The following SIDT1 variants were observed in gnomAD, a reference collection of about 807,000 sequenced individuals.
SIDT1 encodes SID1 transmembrane family member 1.
Under a neutral mutation model 107.5 loss-of-function variants are expected in SIDT1, and 101 were observed. The ratio of observed to expected loss-of-function variants is 0.94; its 90% confidence interval spans 0.80 to 1.11. SIDT1 has a LOEUF of 1.11. SIDT1 is among the 50% of genes least tolerant of loss of function. The probability of loss-of-function intolerance (pLI) is 0.00; values close to 1 mark genes in which losing one functional copy is unlikely to be tolerated. For missense variants in SIDT1, 1,076 were observed against 1,058.2 expected, an observed-to-expected ratio of 1.02 and a Z score of -0.23; for synonymous variants, 395 against 398.2, an observed-to-expected ratio of 0.99 and a Z score of 0.10.
rs79120936 is a variant in SIDT1, at chr3:113,620,064, A to G, written c.2090+338A>G. The stretch of plus-strand genomic sequence containing the variant: ...AGATAGATGATAGATAAATAGATAG[A>G]TAGATAGATAGATAGATAATTATAC... On this transcript the variant is annotated intron_variant, in intron 21 of 24. Coordinates refer to ENST00000264852, the MANE Select transcript of SIDT1 (RefSeq NM_017699.3). The G allele has an allele frequency of 3.2e-3, 582 of 183,882 alleles. 2 individuals carry two copies. Among genetic ancestry groups the G allele is most frequent in the African/African-American group, 0.013 (556 of 42,408 alleles). The allele number at this position is 183,882 out of a possible 1,614,324, so 11.4% of individuals were successfully genotyped here. A position where few individuals can be genotyped will look rare whatever the true frequency, so the allele number is the denominator to read the frequency against.
In SIDT1 at chr3:113,615,967, A is replaced by G; in HGVS notation, c.1967-133A>G. On this transcript the variant is annotated intron_variant, in intron 19 of 24. Transcript: ENST00000264852. ...AGCAAATACTTATTGCGCACCTATT[A>G]GGTGCAAAGCATTCTAATGCATTTT... 3 of 732,994 alleles carry G rather than the reference A, an allele frequency of 4.1e-6. No individual in the cohort carries two copies. The South Asian group carries it at 4.5e-5, about 11-fold the overall frequency. The allele number at this position is 732,994 out of a possible 1,614,324, so 45.4% of individuals were successfully genotyped here.
chr3:113,556,389 C>T (rs1940860672), intron 1 of SIDT1, among the ~76,000 whole-genome samples: 1 of 151,686 alleles, frequency 6.6e-6, no homozygotes, highest in Non-Finnish European at 1.5e-5. Context: ...ATGAGAATTA[C>T]TAACTTCTGA....
chr3:113,636,262 G>A, the SIDT1 span, among the ~76,000 whole-genome samples: 6 of 152,094 alleles, frequency 3.9e-5, no homozygotes, highest in Admixed American at 6.5e-5. Flanking sequence ...TAATTAGCTC[G>A]TGTGATGGTG....
chr3:113,567,838 C>A, intron 3 of SIDT1, 128 bp downstream of exon 3: 1 of 892,314 alleles, frequency 1.1e-6, no homozygotes, highest in Non-Finnish European at 1.7e-6. Flanking sequence ...TTTAGCACTT[C>A]CTGAACTCTC....
intron 16 of SIDT1, 94 bp downstream of exon 16, chr3:113,608,311 A>G: frequency 6.5e-7 from 1 of 1,543,842 alleles, no homozygotes; most frequent in Non-Finnish European, 8.8e-7. Context: ...GTGATGATTT[A>G]TTATGTGTAA....
At chr3:113,620,408 A>G (rs1946390642) in intron 21 of SIDT1, among the ~76,000 whole-genome samples, 1 of 152,174 alleles carries the variant, frequency 6.6e-6, no homozygotes, top group South Asian at 2.1e-4. Flanking sequence ...AATGAGTAAA[A>G]TATTTTATTG....
intron 9 of SIDT1, among the ~76,000 whole-genome samples, chr3:113,587,034 A>T (rs1356369671): frequency 6.6e-6 from 1 of 152,246 alleles, no homozygotes; most frequent in African/African-American, 2.4e-5. Context: ...AGTAGATTAG[A>T]TAAGAATATC....
chr3:113,543,512 T>A (rs1939188546), intron 1 of SIDT1, among the ~76,000 whole-genome samples: 1 of 152,166 alleles, frequency 6.6e-6, no homozygotes, highest in South Asian at 2.1e-4. Flanking sequence ...AAGCTGTTGA[T>A]AACTTGCTCC....
intron 1 of SIDT1, among the ~76,000 whole-genome samples, chr3:113,542,930 G>T (rs1939096985): frequency 6.6e-6 from 1 of 150,534 alleles, no homozygotes; most frequent in African/African-American, 2.5e-5. Flanking sequence ...GTGTGTGTGT[G>T]TGTGTGTGTT....
rs777044350 is a variant in SIDT1, at chr3:113,627,678, G to A, written c.2454G>A (p.Val818=). 8.1e-6 allele frequency: 13 copies of A among 1,613,748 alleles called. No homozygotes were observed. The highest frequency in any genetic ancestry group is 1.7e-5 in the Admixed American group (1 of 59,992). Reference sequence around the variant, plus strand: ...TAACTTTGGATGATGACCTTGATGTGGTTCGGAGAGACCAGATCCCTGTCT... The same window carrying A: ...TAACTTTGGATGATGACCTTGATGTAGTTCGGAGAGACCAGATCCCTGTCT... ...VLLTLDDDLD[V]VRRDQIPVF Residue 818 remains valine, a synonymous_variant, in exon 25 of 25, where the codon GTG becomes GTA. Transcript: ENST00000264852.
rs77971753 is a variant in SIDT1, at chr3:113,605,484, G to T, written c.1404+508G>T. Among the ~76,000 whole-genome samples, 92 of 152,216 alleles carry T rather than the reference G, an allele frequency of 6.0e-4. No individual in the cohort carries two copies. The East Asian group carries it at 0.015, about 24-fold the overall frequency. ...GTTCCCAATTGTTTTATCACAAAGG[G>T]AGCTGCAATCTCTTGTATTATTTTG... is the stretch of plus-strand genomic sequence containing the variant. On this transcript the variant is annotated intron_variant, in intron 14 of 24. Transcript: ENST00000264852.
At chr3:113,605,081 AATTTCCCATTGGGG>A in intron 14 of SIDT1, 105 bp downstream of exon 14, 2 of 1,125,468 alleles carry the variant, frequency 1.8e-6, no homozygotes, top group Non-Finnish European at 2.6e-6. Context: ...TCCATTCAGG[AATTTCCCATTGGGG>A]TTCCAATTGG....
At chr3:113,544,488 A>G (rs1050502814) in intron 1 of SIDT1, among the ~76,000 whole-genome samples, 1 of 151,774 alleles carries the variant, frequency 6.6e-6, no homozygotes, top group African/African-American at 2.4e-5. Flanking sequence ...CCACGCAAGG[A>G]CAGTTATCAT....
chr3:113,554,668 C>T (rs1940648003), intron 1 of SIDT1, among the ~76,000 whole-genome samples: 1 of 152,192 alleles, frequency 6.6e-6, no homozygotes, highest in East Asian at 1.9e-4. Context: ...TTGGGTATTT[C>T]TTCACAGCAG....
intron 11 of SIDT1, 35 bp downstream of exon 11, chr3:113,601,694 C>G (rs1363107553): frequency 6.7e-7 from 1 of 1,481,660 alleles, no homozygotes; most frequent in Admixed American, 1.8e-5. Flanking sequence ...GAAAGTGTTT[C>G]CTAATTCTGC....
chr3:113,538,173 A>G (rs1288771235), intron 1 of SIDT1, among the ~76,000 whole-genome samples: 4 of 152,110 alleles, frequency 2.6e-5, no homozygotes, highest in African/African-American at 9.7e-5. Context: ...AATCCATCCT[A>G]TTGGGGATTA....
chr3:113,560,062 C>T (rs904502308), intron 1 of SIDT1, among the ~76,000 whole-genome samples: 6 of 152,176 alleles, frequency 3.9e-5, no homozygotes, highest in Admixed American at 2.6e-4. Flanking sequence ...ATTGTTCCAT[C>T]GCTGAGTATC....
chr3:113,576,511 G>GA (rs1942912428), intron 3 of SIDT1, among the ~76,000 whole-genome samples: 2 of 152,094 alleles, frequency 1.3e-5, no homozygotes, highest in African/African-American at 2.4e-5. Context: ...ATTTTGAAAT[G>GA]TATCTACATT....
At chr3:113,631,598 A>G (rs547513883), downstream of SIDT1, among the ~76,000 whole-genome samples, 147 of 152,356 alleles carry the variant, frequency 9.6e-4, no homozygotes, top group Admixed American at 2.9e-3. Context: ...CTTTGTTAAC[A>G]AGGTTAAGAG....
Sources: gnomAD v4.1 joint callset for allele counts (sites outside exome capture counted in the v4.1 genomes callset) on GRCh38, gnomAD v4.1.1 for gene constraint, MANE v1.5 for transcripts, NCBI Gene and HGNC (gene_info 2026-07-23, HGNC 2026-07-21) for gene names.